The following ATP8A1 variants were observed in gnomAD, a reference collection of about 807,000 sequenced individuals.
The protein encoded by ATP8A1 is phospholipid-transporting ATPase IA.
A neutral mutation model predicts 177.7 loss-of-function variants in ATP8A1; 90 were observed. The observed-to-expected ratio is 0.51, with a 90% confidence interval of 0.43 to 0.60. ATP8A1 has a LOEUF of 0.60. ATP8A1 is among the 20% of genes least tolerant of loss of function. The pLI, the probability that ATP8A1 is intolerant of heterozygous loss-of-function variation, is 0.00. For missense variants in ATP8A1, 1,072 were observed against 1,392.8 expected (o/e 0.77, Z 3.67); for synonymous variants, 493 against 485.9 (o/e 1.01, Z -0.19).
intron 15 of ATP8A1, chr4:42,561,800 A>C (rs767920997): frequency 1.3e-5 from 2 of 152,208 alleles, no homozygotes; most frequent in Non-Finnish European, 2.9e-5. Context: ...TAGGGACCTA[A>C]AAACTGCTCC....
At chr4:42,442,831 T>G (rs1344828568) in intron 33 of ATP8A1, among the ~76,000 whole-genome samples, 1 of 152,192 alleles carries the variant, frequency 6.6e-6, no homozygotes, top group Non-Finnish European at 1.5e-5. Flanking sequence ...TTACCTTGAT[T>G]TGCAAGTTAC....
intron 1 of ATP8A1, among the ~76,000 whole-genome samples, chr4:42,641,003 C>T: frequency 8.2e-6 from 1 of 122,596 alleles, no homozygotes; most frequent in South Asian, 2.5e-4. Flanking sequence ...AGACTTCCCC[C>T]TCACCAGAAA....
rs28794486 is a variant in ATP8A1 at position 42,531,208 on chromosome 4, G to A, written c.1723-6361C>T. Among the ~76,000 whole-genome samples, 1,464 of 151,960 alleles carry A rather than the reference G, an allele frequency of 9.6e-3. 16 individuals carry two copies. Among genetic ancestry groups the A allele is most frequent in the African/African-American group, 0.033 (1,366 of 41,398 alleles). On this transcript the variant is annotated intron_variant, in intron 20 of 36. Coordinates refer to ENST00000381668, the MANE Select transcript of ATP8A1 (RefSeq NM_006095.2). ...TAGTATTACCATGCCCTGTGATTAA[G>A]GTCAATGGGAAACTACAACAGCCCA...
intron 1 of ATP8A1, among the ~76,000 whole-genome samples, chr4:42,633,951 G>C (rs924431881): frequency 1.3e-5 from 2 of 152,180 alleles, no homozygotes; most frequent in Non-Finnish European, 1.5e-5. Context: ...AATGAGCTTG[G>C]CATTTCCAGG....
chr4:42,500,610 T>C (rs1468593155), intron 24 of ATP8A1, among the ~76,000 whole-genome samples: 1 of 152,102 alleles, frequency 6.6e-6, no homozygotes, highest in Non-Finnish European at 1.5e-5. Flanking sequence ...AGCTTTCTGC[T>C]GATCCTGGCA....
Position 42,420,926 on chromosome 4 carries a change from G to A in ATP8A1, c.3305+1881C>T, listed in dbSNP as rs562267315. On this transcript the variant is annotated intron_variant, in intron 35 of 36. Coordinates refer to ENST00000381668, the MANE Select transcript of ATP8A1 (RefSeq NM_006095.2). ...TGGGACTACAGGCGCCCGCCACCACGCCTGGCTAATTTTTTGTATTGTTAG... is the reference window on the plus strand; with the variant it reads ...TGGGACTACAGGCGCCCGCCACCACACCTGGCTAATTTTTTGTATTGTTAG... Among the ~76,000 whole-genome samples, 24 of 152,020 alleles carry A rather than the reference G, an allele frequency of 1.6e-4. No homozygotes were observed. In the South Asian group the frequency reaches 4.4e-3, roughly 28 times the overall value.
intron 1 of ATP8A1, among the ~76,000 whole-genome samples, chr4:42,631,432 T>A (rs1393241478): frequency 1.3e-5 from 2 of 152,316 alleles, no homozygotes; most frequent in African/African-American, 4.8e-5. Flanking sequence ...TCTCCCAGAT[T>A]GGCCTGTGTA....
At chr4:42,561,442 G>A (rs1730820526) in intron 15 of ATP8A1, 1 of 152,314 alleles carries the variant, frequency 6.6e-6, no homozygotes, top group South Asian at 2.1e-4. Flanking sequence ...AGTGACTCTG[G>A]GACCCCTGGC....
At chr4:42,558,423 G>A (rs1279622210) in intron 15 of ATP8A1, among the ~76,000 whole-genome samples, 1 of 152,188 alleles carries the variant, frequency 6.6e-6, no homozygotes. Context: ...GTTAAGGTAA[G>A]GAGAACAGAG....
At chr4:42,539,167 A>T (rs1430146537) in intron 20 of ATP8A1, among the ~76,000 whole-genome samples, 2 of 152,192 alleles carry the variant, frequency 1.3e-5, no homozygotes, top group African/African-American at 4.8e-5. Flanking sequence ...TGGGAAACCA[A>T]ACATCATATG....
chr4:42,521,007 G>A lies in ATP8A1; in HGVS notation c.1947+1153C>T, dbSNP rs181793542. 1.2e-4 allele frequency among the ~76,000 whole-genome samples: 18 copies of A among 152,260 alleles called. No individual in the cohort carries two copies. In the South Asian group the frequency reaches 3.3e-3, roughly 28 times the overall value. Reference sequence around the variant, plus strand: ...ATTACATAAAGGGAGGGGACGTGAGGAGCAGAGGGGGGAAATAGTCCAGGG... The same window carrying A: ...ATTACATAAAGGGAGGGGACGTGAGAAGCAGAGGGGGGAAATAGTCCAGGG... On this transcript the variant is annotated intron_variant, in intron 22 of 36. Transcript: ENST00000381668.
At chr4:42,632,354 C>T (rs1293669509) in intron 1 of ATP8A1, among the ~76,000 whole-genome samples, 1 of 152,112 alleles carries the variant, frequency 6.6e-6, no homozygotes, top group Admixed American at 6.5e-5. Context: ...TGCTTGATTC[C>T]TATTCCCCCT....
chr4:42,579,705 G>T, intron 11 of ATP8A1, 108 bp downstream of exon 11: 2 of 1,003,704 alleles, frequency 2.0e-6, no homozygotes, highest in South Asian at 1.6e-5. Context: ...AGCTATCTTG[G>T]CAACAAGGTC....
At chr4:42,606,898 A>G (rs1735847938) in intron 5 of ATP8A1, among the ~76,000 whole-genome samples, 1 of 152,262 alleles carries the variant, frequency 6.6e-6, no homozygotes, top group Non-Finnish European at 1.5e-5. Context: ...TACTTTTACC[A>G]GCAATGTATA....
intron 10 of ATP8A1, among the ~76,000 whole-genome samples, chr4:42,581,365 C>T (rs1405290296): frequency 2.0e-5 from 3 of 152,174 alleles, no homozygotes; most frequent in East Asian, 1.9e-4. Flanking sequence ...GATCTCCTGA[C>T]CTTGTGATCC....
Position 42,414,640 on chromosome 4 carries a change from T to C in ATP8A1, c.3384A>G (p.Gln1128=), listed in dbSNP as rs1292654304. 6.2e-7 allele frequency: 1 copy of C among 1,613,828 alleles called. No homozygotes were observed. Among genetic ancestry groups the C allele is most frequent in the Admixed American group, 1.7e-5 (1 of 60,020 alleles). The part of the protein sequence containing the change: ...HVNLYRSESL[Q]QNLLHGYAFS... Reference sequence around the variant, plus strand: ...TCAAATACTCACGGAGCAGATTTTGTTGCAAGGATTCAGAGCGGTACAAGT... The same window carrying C: ...TCAAATACTCACGGAGCAGATTTTGCTGCAAGGATTCAGAGCGGTACAAGT... Residue 1128 remains glutamine (Q), a synonymous_variant, in exon 36 of 37, where the codon CAA becomes CAG. Coordinates refer to ENST00000381668, the MANE Select transcript of ATP8A1 (RefSeq NM_006095.2).
intron 5 of ATP8A1, among the ~76,000 whole-genome samples, chr4:42,601,177 A>T (rs1418564739): frequency 6.6e-6 from 1 of 151,758 alleles, no homozygotes; most frequent in Non-Finnish European, 1.5e-5. Context: ...CTGGGACTAC[A>T]GGCATGCACC....
chr4:42,452,848 C>T (rs1255802133), intron 29 of ATP8A1, among the ~76,000 whole-genome samples: 1 of 152,154 alleles, frequency 6.6e-6, no homozygotes, highest in Non-Finnish European at 1.5e-5. Flanking sequence ...GCAAACAAAA[C>T]TTATGCTAAA....
intron 10 of ATP8A1, among the ~76,000 whole-genome samples, chr4:42,580,834 C>A (rs1732960229): frequency 6.6e-6 from 1 of 151,962 alleles, no homozygotes; most frequent in African/African-American, 2.4e-5. Context: ...GTGTGAAGAT[C>A]AATGCAAGAA....
Sources: allele counts gnomAD v4.1 joint callset (sites outside exome capture counted in the v4.1 genomes callset), GRCh38; gene constraint gnomAD v4.1.1; transcripts MANE v1.5; gene names NCBI Gene and HGNC (gene_info 2026-07-23, HGNC 2026-07-21).